The following CHRDL2 variants were observed in gnomAD, a reference collection of about 807,000 sequenced individuals.
CHRDL2 encodes chordin like 2.
In CHRDL2, 41 loss-of-function variants were observed where a neutral mutation model predicts 54.3. The ratio of observed to expected loss-of-function variants is 0.76; its 90% confidence interval spans 0.59 to 0.98. CHRDL2 has a LOEUF of 0.98. Ranked by LOEUF, CHRDL2 falls within the 50% of genes least tolerant of loss-of-function variation. The probability of loss-of-function intolerance (pLI) is 0.00; values close to 1 mark genes in which losing one functional copy is unlikely to be tolerated. For missense variants in CHRDL2, 518 were observed against 562.4 expected (o/e 0.92, Z 0.80); for synonymous variants, 220 against 224.3 (o/e 0.98, Z 0.17).
chr11:74,704,782 A>T, intron 6 of CHRDL2, 128 bp from the exon 7 acceptor site: 1 of 878,312 alleles, frequency 1.1e-6, no homozygotes, highest in South Asian at 1.5e-5. Flanking sequence ...AGAGAAGAGA[A>T]GGTAGAGACC....
At position 74,708,377 on chromosome 11, in the gene CHRDL2, C is replaced by T. The variant is rs542301374; in HGVS notation, c.451G>A (p.Gly151Ser). 1.5e-5 allele frequency: 24 copies of T among 1,584,258 alleles called. No individual in the cohort carries two copies. Among genetic ancestry groups the T allele is most frequent in the East Asian group, 9.4e-5 (4 of 42,418 alleles). ...CCTGGTTCGGGGCAGGTTGTGAGGC[C>T]GCAGTAGATCTGGCCCTCCTGACAG... ...CSCTEGQIYC[G>S]LTTCPEPGCP... The change falls in exon 5 of 11, where the codon GGC becomes AGC. Residue 151 changes from glycine (G) to serine (S), a missense_variant. Gly to Ser is a moderately conservative substitution (Grantham distance 56). Coordinates refer to ENST00000376332, the MANE Select transcript of CHRDL2 (RefSeq NM_001278473.3).
chr11:74,703,300 T>C lies in CHRDL2; in HGVS notation c.946+5A>G, dbSNP rs2033891746. ...GCCCTCCTTGCTCCCAGTGCCCCTG[T>C]GTACCTGGGCAAATCTTGCAGCACT... is the stretch of plus-strand genomic sequence containing the variant. On this transcript the variant is annotated splice_donor_5th_base_variant and intron_variant, in intron 8 of 10. Transcript: ENST00000376332. 1.9e-6 allele frequency: 3 copies of C among 1,593,488 alleles called. No individual in the cohort carries two copies. Among genetic ancestry groups the C allele is most frequent in the Non-Finnish European group, 2.6e-6 (3 of 1,167,392 alleles).
At chr11:74,702,650 T>C (rs2033857798) in intron 9 of CHRDL2, 144 bp downstream of exon 9, 2 of 729,438 alleles carry the variant, frequency 2.7e-6, no homozygotes, top group Admixed American at 2.5e-5. Context: ...TCTTCCTGCA[T>C]CTTGGAATCA....
intron 9 of CHRDL2, chr11:74,698,710 C>T: frequency 6.7e-6 from 1 of 148,360 alleles, no homozygotes; most frequent in Non-Finnish European, 1.5e-5. Flanking sequence ...CACACACACA[C>T]ACACACACAC....
chr11:74,701,669 T>C (rs750207036), intron 9 of CHRDL2: 9 of 708,026 alleles, frequency 1.3e-5, no homozygotes, highest in African/African-American at 1.2e-4. Flanking sequence ...GATAATAATA[T>C]CTAACTCTCA....
chr11:74,722,808 C>A (rs2135276135), intron 1 of CHRDL2, among the ~76,000 whole-genome samples: 1 of 152,188 alleles, frequency 6.6e-6, no homozygotes, highest in Non-Finnish European at 1.5e-5. Context: ...GGCCCACAGA[C>A]CTTGGGCGGG....
At chr11:74,727,302 A>G (rs1470849810) in intron 1 of CHRDL2, among the ~76,000 whole-genome samples, 5 of 152,112 alleles carry the variant, frequency 3.3e-5, no homozygotes, top group African/African-American at 1.2e-4. Context: ...CTACCAGCGG[A>G]GCTCCCTTCC....
At chr11:74,713,273 C>A (rs766489544) in intron 3 of CHRDL2, 113 bp downstream of exon 3, 1 of 881,296 alleles carries the variant, frequency 1.1e-6, no homozygotes, top group Non-Finnish European at 1.8e-6. Context: ...TGTGTCTACA[C>A]CTCTGATGGG....
chr11:74,722,296 A>G (rs1446648419), intron 1 of CHRDL2, among the ~76,000 whole-genome samples: 1 of 151,878 alleles, frequency 6.6e-6, no homozygotes, highest in Non-Finnish European at 1.5e-5. Flanking sequence ...ATCCCTCCCC[A>G]TCTCAGAGAC....
At chr11:74,720,602 CCTT>C (rs10581351) in intron 1 of CHRDL2, among the ~76,000 whole-genome samples, 51,146 of 152,018 alleles carry the variant, frequency 0.34, 9,642 homozygotes, top group East Asian at 0.53. Flanking sequence ...TCTCATGCCT[CCTT>C]CTCATTTTCC....
intron 1 of CHRDL2, among the ~76,000 whole-genome samples, chr11:74,723,192 A>G (rs1318703331): frequency 6.6e-6 from 1 of 152,196 alleles, no homozygotes; most frequent in African/African-American, 2.4e-5. Flanking sequence ...AGGCTTTGGG[A>G]CAGACTGGAT....
chr11:74,708,701 G>A (rs1199640198), intron 4 of CHRDL2, among the ~76,000 whole-genome samples: 3 of 152,214 alleles, frequency 2.0e-5, no homozygotes, highest in Admixed American at 2.0e-4. Flanking sequence ...ATGAGGAGCC[G>A]GAGCGGGGCC....
chr11:74,697,167 T>C, intron 10 of CHRDL2, 38 bp downstream of exon 10: 1 of 1,552,402 alleles, frequency 6.4e-7, no homozygotes, highest in Non-Finnish European at 8.9e-7. Context: ...CCTTGCCTTC[T>C]TCCTGCCCCG....
At chr11:74,701,509 T>A (rs1259467196) in intron 9 of CHRDL2, 1 of 677,570 alleles carries the variant, frequency 1.5e-6, no homozygotes, top group African/African-American at 1.8e-5. Flanking sequence ...CCATTCCTCC[T>A]ACGACAGGGG....
intron 9 of CHRDL2, among the ~76,000 whole-genome samples, chr11:74,702,117 G>A (rs772654234): frequency 1.3e-4 from 20 of 152,030 alleles, no homozygotes; most frequent in Non-Finnish European, 2.5e-4. Flanking sequence ...TTAGCTGGGC[G>A]TGGTGGCTCA....
At chr11:74,718,519 G>A (rs1309762838) in intron 2 of CHRDL2, among the ~76,000 whole-genome samples, 1 of 152,184 alleles carries the variant, frequency 6.6e-6, no homozygotes, top group Non-Finnish European at 1.5e-5. Flanking sequence ...ACTAATGTTT[G>A]TGTGACTTAT....
At chr11:74,730,111 C>T (rs1344807107) in intron 1 of CHRDL2, among the ~76,000 whole-genome samples, 1 of 152,192 alleles carries the variant, frequency 6.6e-6, no homozygotes, top group Non-Finnish European at 1.5e-5. Context: ...GTGACGGCCT[C>T]CCAGCAGCTG....
In CHRDL2 at chr11:74,731,171, A is replaced by C; in HGVS notation, c.-283T>G. On this transcript the variant is annotated 5_prime_UTR_variant, in exon 1 of 11. Coordinates refer to ENST00000376332, the MANE Select transcript of CHRDL2 (RefSeq NM_001278473.3). The surrounding 1 kb of genome is among the most constrained non-coding windows in gnomAD (Gnocchi z 4.4). ...AGCAGAAGGGAGAGGCGATCAAAGA[A>C]AGGGGGAAGGTGAGAGGGAGAGGAG... The C allele has an allele frequency of 2.3e-5, 9 of 387,910 alleles. No homozygotes were observed. Among genetic ancestry groups the C allele is most frequent in the East Asian group, 5.2e-5 (1 of 19,396 alleles). The allele number at this position is 387,910 out of a possible 1,614,324, so 24.0% of individuals were successfully genotyped here.
chr11:74,726,966 T>G (rs539908299), intron 1 of CHRDL2, among the ~76,000 whole-genome samples: 18 of 152,242 alleles, frequency 1.2e-4, no homozygotes, highest in African/African-American at 4.1e-4. Flanking sequence ...ATCCAGGCAC[T>G]TTTTTCTGGT....
Sources: allele counts gnomAD v4.1 joint callset (sites outside exome capture counted in the v4.1 genomes callset), GRCh38; gene constraint gnomAD v4.1.1; non-coding constraint Gnocchi (gnomAD v3.1); transcripts MANE v1.5; gene names NCBI Gene and HGNC (gene_info 2026-07-23, HGNC 2026-07-21).